ZNRF3: variants seen among roughly 807,000 people sequenced by gnomAD.
ZNRF3 encodes zinc and ring finger 3.
A neutral mutation model predicts 72.5 loss-of-function variants in ZNRF3; 23 were observed. That is an observed-to-expected ratio of 0.32 (90% confidence interval 0.23 to 0.45). The LOEUF (loss-of-function observed/expected upper bound fraction) is 0.45, where lower values mean the gene tolerates loss of function less well. ZNRF3 is among the 20% of genes least tolerant of loss of function. The pLI, the probability that ZNRF3 is intolerant of heterozygous loss-of-function variation, is 1.00. For missense variants in ZNRF3, 1,169 were observed against 1,272.1 expected, an observed-to-expected ratio of 0.92 and a Z score of 1.23; for synonymous variants, 610 against 545.3, an observed-to-expected ratio of 1.12 and a Z score of -1.65.
At position 29,046,794 on chromosome 22, in the gene ZNRF3, C is replaced by G; in HGVS notation, c.823C>G (p.Arg275Gly). ...RKFNSKSKGR[R>G]EGSCGALDTL... ...GTTCAACTCCAAGAGCAAGGGGCGC[C>G]GGGAGGGGAGCTGTGGGGCCCTGGA... Residue 275 changes from arginine to glycine, a missense_variant, in exon 6 of 9, where the codon CGG becomes GGG. This residue lies in a region of ZNRF3 where 386 missense variants were observed against 540.7 expected (regional missense o/e 0.71). Transcript: ENST00000544604. The G allele has an allele frequency of 6.2e-7, 1 of 1,611,746 alleles. No individual in the cohort carries two copies. Among genetic ancestry groups the G allele is most frequent in the Non-Finnish European group, 8.5e-7 (1 of 1,178,888 alleles).
intron 1 of ZNRF3, among the ~76,000 whole-genome samples, chr22:28,935,594 G>A (rs1315792819): frequency 6.6e-6 from 1 of 152,172 alleles, no homozygotes; most frequent in Non-Finnish European, 1.5e-5. Flanking sequence ...GTAATGTGTG[G>A]GTAGGGTGCC....
chr22:28,905,702 C>T (rs1167789864), intron 1 of ZNRF3, among the ~76,000 whole-genome samples: 2 of 152,142 alleles, frequency 1.3e-5, no homozygotes, highest in Non-Finnish European at 2.9e-5. Context: ...ATGGCTTCTT[C>T]CATCATTGCT....
intron 1 of ZNRF3, among the ~76,000 whole-genome samples, chr22:28,954,041 G>A (rs1486748881): frequency 6.6e-6 from 1 of 152,130 alleles, no homozygotes; most frequent in Non-Finnish European, 1.5e-5. Flanking sequence ...AAAGCACCTA[G>A]GACAGGGCCT....
At chr22:29,036,412 A>G (rs1034222662) in intron 2 of ZNRF3, among the ~76,000 whole-genome samples, 7 of 152,296 alleles carry the variant, frequency 4.6e-5, no homozygotes, top group African/African-American at 1.7e-4. Flanking sequence ...AATATGATCA[A>G]CTCATTATAT....
intron 2 of ZNRF3, among the ~76,000 whole-genome samples, chr22:29,032,772 G>A (rs1167682764): frequency 1.3e-5 from 2 of 152,178 alleles, no homozygotes; most frequent in Non-Finnish European, 2.9e-5. Flanking sequence ...GCCTTTTGCC[G>A]GGTTCTGGGA....
intron 2 of ZNRF3, among the ~76,000 whole-genome samples, chr22:28,995,165 G>C (rs565343127): frequency 3.9e-5 from 6 of 152,360 alleles, no homozygotes; most frequent in Admixed American, 1.3e-4. Context: ...TGGGCGGGGT[G>C]GCTCACGCCT....
At chr22:28,992,177 G>A (rs973897834) in intron 2 of ZNRF3, among the ~76,000 whole-genome samples, 1 of 27,860 alleles carries the variant, frequency 3.6e-5, no homozygotes, top group Non-Finnish European at 7.9e-5. Context: ...CCAACCCCCC[G>A]CCCCGGCCCC....
chr22:28,916,671 G>C (rs1015304115), intron 1 of ZNRF3, among the ~76,000 whole-genome samples: 1 of 152,174 alleles, frequency 6.6e-6, no homozygotes, highest in African/African-American at 2.4e-5. Flanking sequence ...TTAATCAGGA[G>C]CATCCTGTTG....
intron 8 of ZNRF3, among the ~76,000 whole-genome samples, chr22:29,052,561 C>T (rs1217243601): frequency 1.3e-5 from 2 of 152,068 alleles, no homozygotes; most frequent in Non-Finnish European, 2.9e-5. Context: ...GGCGTGGTGG[C>T]GTGTGCCTGT....
At chr22:28,994,620 T>C (rs1018632119) in intron 2 of ZNRF3, among the ~76,000 whole-genome samples, 1 of 152,038 alleles carries the variant, frequency 6.6e-6, no homozygotes, top group East Asian at 1.9e-4. Flanking sequence ...AAGCTTCCAT[T>C]TGAGAAGATG....
intron 2 of ZNRF3, among the ~76,000 whole-genome samples, chr22:29,040,576 T>C (rs913774905): frequency 6.6e-6 from 1 of 152,130 alleles, no homozygotes. Flanking sequence ...AGCATGCCAG[T>C]GGCAGAGGCA....
In ZNRF3 at chr22:29,046,722, A is replaced by G. The variant is rs1165882304; in HGVS notation, c.751A>G (p.Met251Val). The change falls in exon 6 of 9, where the codon ATG (methionine) becomes GTG (valine). Residue 251 changes from methionine (M) to valine (V), a missense_variant. Around this residue, in one of 2 missense-constraint regions of ZNRF3, gnomAD observed 386 missense variants for 540.7 expected, o/e 0.71. Transcript: ENST00000544604. ...KLKQRRSQNS[M>V]NRLAVQALEK... ...ACTACATTCTGCCCTGCAGAATTCC[A>G]TGAACAGGCTGGCTGTGCAGGCTCT... 1 of 1,603,770 alleles carries G rather than the reference A, an allele frequency of 6.2e-7. No individual in the cohort carries two copies. The highest frequency in any genetic ancestry group is 8.5e-7 in the Non-Finnish European group (1 of 1,174,864).
intron 1 of ZNRF3, among the ~76,000 whole-genome samples, chr22:28,982,411 G>A (rs927782121): frequency 2.2e-4 from 29 of 130,504 alleles, no homozygotes; most frequent in Admixed American, 1.9e-3. Context: ...CAGCCTGGGC[G>A]ACATTGTGAG....
At chr22:29,004,678 A>G (rs539134018) in intron 2 of ZNRF3, among the ~76,000 whole-genome samples, 1 of 149,262 alleles carries the variant, frequency 6.7e-6, no homozygotes, top group Non-Finnish European at 1.5e-5. Flanking sequence ...GCCCTCCCCC[A>G]GTGGCTTCCC....
chr22:29,027,669 C>G (rs1187905860), intron 2 of ZNRF3, among the ~76,000 whole-genome samples: 1 of 152,162 alleles, frequency 6.6e-6, no homozygotes, highest in African/African-American at 2.4e-5. Flanking sequence ...TGGGACGTCC[C>G]TGCATGTATA....
At chr22:28,920,730 C>G (rs1480212569) in intron 1 of ZNRF3, among the ~76,000 whole-genome samples, 1 of 152,260 alleles carries the variant, frequency 6.6e-6, no homozygotes, top group Non-Finnish European at 1.5e-5. Flanking sequence ...GATGGCTGCT[C>G]TGTAACTGCA....
At chr22:28,887,231 A>T (rs199898325) in intron 1 of ZNRF3, among the ~76,000 whole-genome samples, 24 of 112,022 alleles carry the variant, frequency 2.1e-4, no homozygotes, top group African/African-American at 7.1e-4. Flanking sequence ...AGAGAGAGAG[A>T]GAGAGTGTGT....
At chr22:29,028,182 G>C (rs868378339) in intron 2 of ZNRF3, among the ~76,000 whole-genome samples, 1 of 152,160 alleles carries the variant, frequency 6.6e-6, no homozygotes, top group Non-Finnish European at 1.5e-5. Context: ...AACTTGCATT[G>C]GCTACAATGG....
intron 2 of ZNRF3, among the ~76,000 whole-genome samples, chr22:28,989,431 T>C (rs767495630): frequency 6.6e-6 from 1 of 152,194 alleles, no homozygotes; most frequent in Non-Finnish European, 1.5e-5. Flanking sequence ...CTCAATTTCA[T>C]TAACTTTGAC....
Sources: allele counts gnomAD v4.1 joint callset (sites outside exome capture counted in the v4.1 genomes callset), GRCh38; gene constraint gnomAD v4.1.1; regional missense constraint gnomAD v4.1.1; transcripts MANE v1.5; gene names NCBI Gene and HGNC (gene_info 2026-07-23, HGNC 2026-07-21).